UIMC1: variants seen among roughly 807,000 people sequenced by gnomAD.
UIMC1 encodes the protein ubiquitin interaction motif containing 1.
In UIMC1, 42 loss-of-function variants were observed where a neutral mutation model predicts 84.9. That is an observed-to-expected ratio of 0.49 (90% CI 0.39 to 0.64). The LOEUF is 0.64. Ranked by LOEUF, UIMC1 falls within the 30% of genes least tolerant of loss-of-function variation. UIMC1 has a pLI of 0.00. For synonymous variants in UIMC1, 281 were observed against 293.0 expected (o/e 0.96, Z 0.42); for missense variants, 825 against 847.6 (o/e 0.97, Z 0.33).
intron 1 of UIMC1, among the ~76,000 whole-genome samples, chr5:176,986,630 A>C (rs1470768015): frequency 1.3e-5 from 2 of 151,346 alleles, no homozygotes; most frequent in African/African-American, 4.9e-5. Flanking sequence ...GCTTGAGCCC[A>C]CAAGTTAAGA....
intron 10 of UIMC1, among the ~76,000 whole-genome samples, chr5:176,924,387 A>G (rs565248035): frequency 6.6e-6 from 1 of 152,222 alleles, no homozygotes; most frequent in East Asian, 1.9e-4. Flanking sequence ...AAATTATGCT[A>G]CCTGCTACCT....
At chr5:176,949,132 A>T (rs969404048) in intron 9 of UIMC1, among the ~76,000 whole-genome samples, 2 of 151,480 alleles carry the variant, frequency 1.3e-5, no homozygotes, top group African/African-American at 2.4e-5. Context: ...TTTTATTATT[A>T]TTATACTTTA....
chr5:177,017,726 G>C (rs2149555893), intron 1 of UIMC1, among the ~76,000 whole-genome samples: 1 of 149,288 alleles, frequency 6.7e-6, no homozygotes, highest in Non-Finnish European at 1.5e-5. Flanking sequence ...TGGTAGTGCA[G>C]TGGTACAACA....
intron 2 of UIMC1, among the ~76,000 whole-genome samples, chr5:176,979,818 T>C (rs1431694545): frequency 6.6e-6 from 1 of 152,184 alleles, no homozygotes; most frequent in Non-Finnish European, 1.5e-5. Context: ...TTAATTTTAG[T>C]ATCAGTTTGA....
At chr5:176,929,854 A>C (rs1762870038) in intron 10 of UIMC1, among the ~76,000 whole-genome samples, 1 of 152,186 alleles carries the variant, frequency 6.6e-6, no homozygotes, top group Non-Finnish European at 1.5e-5. Context: ...TCTAGGAAAA[A>C]ACCACAAGAG....
chr5:176,984,259 GGCCCA>G (rs1771582786), intron 1 of UIMC1, among the ~76,000 whole-genome samples: 1 of 109,886 alleles, frequency 9.1e-6, no homozygotes. Context: ...CTGCCCGGCC[GGCCCA>G]TCTGGGATGT....
In UIMC1 at chr5:176,982,762, C is replaced by T. The variant is rs568406093; in HGVS notation, c.-8-139G>A. ...TTGCCCAGGCTGGAGTGCAATGGCA[C>T]GATCTTGGCTCACTGCAACCGCTGC... On this transcript the variant is annotated intron_variant, in intron 1 of 14. Coordinates refer to ENST00000511320, the MANE Select transcript of UIMC1 (RefSeq NM_001199298.2). The T allele has an allele frequency of 9.6e-5, 96 of 1,003,410 alleles. No homozygotes were observed. In the South Asian group the frequency reaches 1.3e-3, roughly 14 times the overall value. The allele number at this position is 1,003,410 out of a possible 1,614,324, so 62.2% of individuals were successfully genotyped here. A position where few individuals can be genotyped will look rare whatever the true frequency, so the allele number is the denominator to read the frequency against.
At chr5:176,929,913 GT>G (rs1762880717) in intron 10 of UIMC1, among the ~76,000 whole-genome samples, 1 of 152,204 alleles carries the variant, frequency 6.6e-6, no homozygotes, top group African/African-American at 2.4e-5. Context: ...ACTGGATATT[GT>G]CATCAGAACC....
intron 10 of UIMC1, among the ~76,000 whole-genome samples, chr5:176,935,468 T>C (rs1469201907): frequency 6.6e-6 from 1 of 152,206 alleles, no homozygotes; most frequent in Non-Finnish European, 1.5e-5. Context: ...GAAATGTCAG[T>C]GAGATCAGGG....
intron 8 of UIMC1, 92 bp downstream of exon 8, chr5:176,955,867 G>GAGAGTAGGTTTGA: frequency 8.4e-7 from 1 of 1,195,068 alleles, no homozygotes; most frequent in Non-Finnish European, 1.2e-6. Flanking sequence ...CAAACCTCCA[G>GAGAGTAGGTTTGA]AGAGTAGGTT....
intron 1 of UIMC1, among the ~76,000 whole-genome samples, chr5:176,997,609 C>T (rs1435818020): frequency 3.3e-5 from 5 of 150,286 alleles, no homozygotes; most frequent in African/African-American, 4.9e-5. Flanking sequence ...GCCGTGAACC[C>T]AGGAGACGGA....
At position 176,956,008 on chromosome 5, in the gene UIMC1, G is replaced by C; in HGVS notation, c.1290C>G (p.Ser430Arg). 6.2e-7 allele frequency: 1 copy of C among 1,613,704 alleles called. No homozygotes were observed. Among genetic ancestry groups the C allele is most frequent in the Non-Finnish European group, 8.5e-7 (1 of 1,179,788 alleles). Residue 430 changes from serine to arginine, a missense_variant, in exon 8 of 15, where the codon AGC (serine) becomes AGG (arginine). Ser to Arg is a moderately radical substitution (Grantham distance 110). Coordinates refer to ENST00000511320, the MANE Select transcript of UIMC1 (RefSeq NM_001199298.2). ...QSVAALTSKR[S>R]LVLMPESSAE... ...CAGAACTCTCTGGCATAAGGACTAA[G>C]CTTCTCTTACTGGTCAAAGCAGCAA...
chr5:176,926,174 A>G (rs1222946548), intron 10 of UIMC1, among the ~76,000 whole-genome samples: 1 of 152,180 alleles, frequency 6.6e-6, no homozygotes, highest in Non-Finnish European at 1.5e-5. Flanking sequence ...GATGCAACGT[A>G]TGATGCTTAA....
chr5:176,916,061 C>T (rs1329940268), intron 10 of UIMC1, among the ~76,000 whole-genome samples: 2 of 152,158 alleles, frequency 1.3e-5, no homozygotes, highest in Admixed American at 6.5e-5. Context: ...GGGCTTGCCG[C>T]TGTTTTTCCT....
intron 11 of UIMC1, among the ~76,000 whole-genome samples, chr5:176,909,388 A>G (rs1344522974): frequency 6.6e-6 from 1 of 152,170 alleles, no homozygotes; most frequent in Non-Finnish European, 1.5e-5. Context: ...TTTATTAAGT[A>G]TTTTCTCTGT....
intron 10 of UIMC1, among the ~76,000 whole-genome samples, chr5:176,915,614 C>T (rs1237335369): frequency 6.6e-6 from 1 of 151,694 alleles, no homozygotes; most frequent in East Asian, 1.9e-4. Context: ...TGCCACCACA[C>T]CTGGCTAATT....
intron 1 of UIMC1, among the ~76,000 whole-genome samples, chr5:177,022,094 G>A (rs541829006): frequency 6.6e-6 from 1 of 152,252 alleles, no homozygotes; most frequent in East Asian, 1.9e-4. Context: ...AATAACCTAG[G>A]CAAGAGATGG....
chr5:176,978,065 A>T (rs1170997992), intron 2 of UIMC1, among the ~76,000 whole-genome samples: 31 of 152,162 alleles, frequency 2.0e-4, no homozygotes, highest in Admixed American at 2.0e-3. Flanking sequence ...AAGAATATGA[A>T]ATACATATTA....
intron 8 of UIMC1, among the ~76,000 whole-genome samples, chr5:176,952,495 G>C (rs1314206538): frequency 2.0e-5 from 3 of 152,158 alleles, no homozygotes; most frequent in Non-Finnish European, 4.4e-5. Flanking sequence ...ATTTTTCTAA[G>C]TAAGGTTTTA....
Sources: allele counts gnomAD v4.1 joint callset (sites outside exome capture counted in the v4.1 genomes callset), GRCh38; gene constraint gnomAD v4.1.1; transcripts MANE v1.5; gene names NCBI Gene and HGNC (gene_info 2026-07-23, HGNC 2026-07-21).